Variants in TBC1D8 observed in about 807,000 individuals in gnomAD.
TBC1D8 encodes the protein BUB2-like protein 1.
Under a neutral mutation model 118.8 loss-of-function variants are expected in TBC1D8, and 65 were observed. The observed-to-expected ratio is 0.55, with a 90% confidence interval of 0.45 to 0.67. The LOEUF (loss-of-function observed/expected upper bound fraction) is 0.67. Ranked by LOEUF, TBC1D8 falls within the 30% of genes least tolerant of loss-of-function variation. TBC1D8 has a pLI of 0.00. For missense variants in TBC1D8, 1,376 were observed against 1,471.2 expected, an observed-to-expected ratio of 0.94 and a Z score of 1.06; for synonymous variants, 566 against 595.8, an observed-to-expected ratio of 0.95 and a Z score of 0.73.
intron 15 of TBC1D8, 70 bp downstream of exon 15, chr2:101,027,312 TG>T: frequency 7.0e-7 from 1 of 1,422,318 alleles, no homozygotes; most frequent in Non-Finnish European, 9.9e-7. Context: ...TGCTGTCCCC[TG>T]GGCAGGCTGG....
chr2:101,066,063 C>T (rs1181150940), intron 2 of TBC1D8, among the ~76,000 whole-genome samples: 1 of 152,102 alleles, frequency 6.6e-6, no homozygotes, highest in African/African-American at 2.4e-5. Flanking sequence ...AGGCAGATCA[C>T]CTGATCAGGA....
intron 1 of TBC1D8, among the ~76,000 whole-genome samples, chr2:101,140,458 C>T (rs952477507): frequency 3.3e-5 from 5 of 152,128 alleles, no homozygotes; most frequent in Non-Finnish European, 7.3e-5. Flanking sequence ...GGGAAAATCA[C>T]GGCCCCTGGG....
chr2:101,054,311 C>G lies in TBC1D8; in HGVS notation c.428G>C (p.Ser143Thr). Residue 143 changes from serine to threonine, a missense_variant, in exon 4 of 20, where the codon AGC (serine) becomes ACC (threonine). By Grantham distance (58) the Ser-to-Thr change is moderately conservative. Transcript: ENST00000409318. ...TTCCTCCTCCTGCTCGGCGAGCCTG[C>G]TGCTGGTCTCCTCGGCTATCAGAGC... ...VKALIAEETS[S>T]RLAEQEEEPE... 1 of 1,570,114 alleles carries G rather than the reference C, an allele frequency of 6.4e-7. No homozygotes were observed. Among genetic ancestry groups the G allele is most frequent in the East Asian group, 2.4e-5 (1 of 42,456 alleles).
intron 1 of TBC1D8, among the ~76,000 whole-genome samples, chr2:101,109,474 G>C (rs1473666952): frequency 6.6e-6 from 1 of 152,148 alleles, no homozygotes; most frequent in Non-Finnish European, 1.5e-5. Context: ...TATACACATA[G>C]AGAAAGCAAC....
chr2:101,149,904 C>T (rs918587829), intron 1 of TBC1D8, among the ~76,000 whole-genome samples: 3 of 152,236 alleles, frequency 2.0e-5, no homozygotes, highest in Non-Finnish European at 4.4e-5. Context: ...AACAGGACCA[C>T]TGGTTACCAA....
At position 101,007,892 on chromosome 2, in the gene TBC1D8, T is replaced by C; in HGVS notation, c.3397A>G (p.Asn1133Asp). The change falls in exon 20 of 20, where the codon AAT becomes GAT. Residue 1133 changes from asparagine to aspartate, a missense_variant. Coordinates refer to ENST00000409318, the MANE Select transcript of TBC1D8 (RefSeq NM_001330348.2). ...MKSKLENAKI[N>D]QYNLKTFEMS... ...TCAAAAGTTTTGAGATTGTACTGAT[T>C]GATCTTGGCATTTTCAAGTTTGGAT... 6.2e-7 allele frequency: 1 copy of C among 1,614,050 alleles called. No homozygotes were observed. The highest frequency in any genetic ancestry group is 8.5e-7 in the Non-Finnish European group (1 of 1,179,898).
chr2:101,140,099 T>C (rs1259356752), intron 1 of TBC1D8, among the ~76,000 whole-genome samples: 3 of 152,186 alleles, frequency 2.0e-5, no homozygotes. Flanking sequence ...GCAAAAACTT[T>C]CATTATTTTT....
chr2:101,022,158 A>G, intron 16 of TBC1D8, 123 bp downstream of exon 16: 4 of 1,470,868 alleles, frequency 2.7e-6, no homozygotes, highest in Non-Finnish European at 3.7e-6. Context: ...TCATAAGTTC[A>G]TGTCAGGCCA....
At chr2:101,145,451 C>T (rs950816507) in intron 1 of TBC1D8, among the ~76,000 whole-genome samples, 1 of 152,188 alleles carries the variant, frequency 6.6e-6, no homozygotes, top group Non-Finnish European at 1.5e-5. Context: ...AACAGGCTGC[C>T]CTGTTAAGTC....
At chr2:101,122,383 CAAAAAAAAAAAAAAAAAAAAA>C (rs70943064) in intron 1 of TBC1D8, among the ~76,000 whole-genome samples, 10 of 71,944 alleles carry the variant, frequency 1.4e-4, no homozygotes, top group African/African-American at 4.4e-4. Flanking sequence ...GACTCCATTT[CAAAAAAAAAAAAAAAAAAAAA>C]AAAAAAAGCA....
At chr2:101,083,262 C>T (rs1432178800) in intron 2 of TBC1D8, among the ~76,000 whole-genome samples, 1 of 152,168 alleles carries the variant, frequency 6.6e-6, no homozygotes, top group Non-Finnish European at 1.5e-5. Context: ...ACAAGTATGA[C>T]TCTCAGAGAA....
At chr2:101,016,176 T>C (rs1679619587) in intron 17 of TBC1D8, among the ~76,000 whole-genome samples, 1 of 152,236 alleles carries the variant, frequency 6.6e-6, no homozygotes, top group Admixed American at 6.5e-5. Flanking sequence ...CCTACTCATC[T>C]GAGAAAGGGC....
chr2:101,072,911 C>T (rs1036441432), intron 2 of TBC1D8, among the ~76,000 whole-genome samples: 8 of 152,164 alleles, frequency 5.3e-5, no homozygotes, highest in African/African-American at 1.9e-4. Context: ...CCACCTCCAA[C>T]GTTGGAGGTC....
intron 1 of TBC1D8, among the ~76,000 whole-genome samples, chr2:101,139,308 T>C (rs1277857522): frequency 9.9e-5 from 13 of 131,224 alleles, no homozygotes; most frequent in Admixed American, 8.4e-4. Flanking sequence ...TAAATATGTA[T>C]CCAAAAACAA....
At chr2:101,072,595 G>A (rs1015050094) in intron 2 of TBC1D8, among the ~76,000 whole-genome samples, 1 of 152,080 alleles carries the variant, frequency 6.6e-6, no homozygotes, top group African/African-American at 2.4e-5. Flanking sequence ...GTTCCACCTC[G>A]GATCATCATC....
At chr2:101,030,050 A>C (rs1047030528) in intron 11 of TBC1D8, 2 of 326,674 alleles carry the variant, frequency 6.1e-6, no homozygotes, top group African/African-American at 4.1e-5. Flanking sequence ...CCATACAGAA[A>C]AAATATATCT....
intron 2 of TBC1D8, among the ~76,000 whole-genome samples, chr2:101,079,680 G>GTTTTTTTTTT (rs35466679): frequency 1.2e-5 from 1 of 81,790 alleles, no homozygotes. Flanking sequence ...GTCCAGTCTG[G>GTTTTTTTTTT]TTTTTTTTTT....
Position 101,029,475 on chromosome 2 carries a change from G to A in TBC1D8, c.2222+16C>T. 1 of 1,605,634 alleles carries A rather than the reference G, an allele frequency of 6.2e-7. No individual in the cohort carries two copies. ...CCTCCATCTCTGGTTGGCCACAGAG[G>A]TGCAGCGGGGCCCACCTGCTGAGGA... On this transcript the variant is annotated intron_variant, in intron 12 of 19. Coordinates refer to ENST00000409318, the MANE Select transcript of TBC1D8 (RefSeq NM_001330348.2).
chr2:101,008,051 TC>T lies in TBC1D8; in HGVS notation c.3237del (p.Lys1080ArgfsTer25). On this transcript the variant is annotated frameshift_variant, in exon 20 of 20. Coordinates refer to ENST00000409318, the MANE Select transcript of TBC1D8 (RefSeq NM_001330348.2). LOFTEE classifies it low-confidence loss of function (END_TRUNC). ...SPEDSVFADT[G>X]KTPQDSQAFP... The stretch of plus-strand genomic sequence containing the variant: ...AATGCCTGGGAGTCCTGGGGCGTCT[TC>T]CCAGTGTCTGCAAAAACCGAGTCCT... 1.2e-6 allele frequency: 2 copies of T among 1,613,950 alleles called. No homozygotes were observed.
Sources: gnomAD v4.1 joint callset for allele counts (sites outside exome capture counted in the v4.1 genomes callset) on GRCh38, gnomAD v4.1.1 for gene constraint, MANE v1.5 for transcripts, NCBI Gene and HGNC (gene_info 2026-07-23, HGNC 2026-07-21) for gene names.